DIAPH3: variants seen among roughly 807,000 people sequenced by gnomAD.
DIAPH3 encodes protein diaphanous homolog 3.
A neutral mutation model predicts 144.3 loss-of-function variants in DIAPH3; 117 were observed. The observed-to-expected ratio is 0.81, with a 90% CI of 0.70 to 0.95. The LOEUF (loss-of-function observed/expected upper bound fraction) is 0.95, where lower values mean the gene tolerates loss of function less well. Ranked by LOEUF, DIAPH3 falls within the 40% of genes least tolerant of loss-of-function variation. The probability of loss-of-function intolerance (pLI) is 0.00; values close to 1 mark genes in which losing one functional copy is unlikely to be tolerated. For missense variants in DIAPH3, 1,421 were observed against 1,412.7 expected (o/e 1.01, Z -0.09); for synonymous variants, 519 against 488.9 (o/e 1.06, Z -0.81).
rs1477079956 is a variant in DIAPH3 at position 59,670,611 on chromosome 13, C to T, written c.3320-3765G>A. On this transcript the variant is annotated intron_variant, in intron 27 of 27. Transcript: ENST00000400324. Reference sequence around the variant, plus strand: ...TTTTTTTTTTTTTTTTTGAGACAGTCTTGCTCTGTCGCCCAGGCTGGAGTG... The same window carrying T: ...TTTTTTTTTTTTTTTTTGAGACAGTTTTGCTCTGTCGCCCAGGCTGGAGTG... Among the ~76,000 whole-genome samples the T allele has an allele frequency of 1.1e-4, 16 of 141,598 alleles. No individual in the cohort carries two copies. In the East Asian group the frequency reaches 3.2e-3, roughly 28 times the overall value. 92.9% of individuals were successfully genotyped at this position (141,598 alleles called of 152,430 possible).
intron 5 of DIAPH3, among the ~76,000 whole-genome samples, chr13:60,026,116 A>G (rs1047329562): frequency 6.6e-6 from 1 of 152,138 alleles, no homozygotes; most frequent in African/African-American, 2.4e-5. Flanking sequence ...TCCTCCACCT[A>G]GTCAGCTAAT....
chr13:60,035,616 G>A (rs117588671), intron 5 of DIAPH3, among the ~76,000 whole-genome samples: 4 of 151,880 alleles, frequency 2.6e-5, no homozygotes, highest in Non-Finnish European at 4.4e-5. Context: ...AAAATTAGAA[G>A]GTATTTTCAA....
intron 17 of DIAPH3, among the ~76,000 whole-genome samples, chr13:59,954,962 T>C (rs1394319133): frequency 6.6e-6 from 1 of 151,814 alleles, no homozygotes; most frequent in Non-Finnish European, 1.5e-5. Flanking sequence ...CAACATGAGA[T>C]TTGGGTGGGG....
chr13:60,100,957 T>C (rs977012724), intron 3 of DIAPH3, among the ~76,000 whole-genome samples: 4 of 152,042 alleles, frequency 2.6e-5, no homozygotes, highest in Admixed American at 1.3e-4. Flanking sequence ...GTAACAGAAT[T>C]CCATTCAAAA....
intron 24 of DIAPH3, among the ~76,000 whole-genome samples, chr13:59,811,911 C>T (rs1174402433): frequency 1.3e-5 from 2 of 151,874 alleles, no homozygotes; most frequent in African/African-American, 4.8e-5. Flanking sequence ...TCTCATGTGG[C>T]ATTAAGGGGA....
intron 27 of DIAPH3, among the ~76,000 whole-genome samples, chr13:59,669,724 TG>T (rs1421833287): frequency 5.3e-5 from 8 of 152,194 alleles, no homozygotes; most frequent in Admixed American, 2.0e-4. Flanking sequence ...ATTTATGAGG[TG>T]GGGGGAATCT....
At chr13:59,825,073 C>T (rs927979251) in intron 24 of DIAPH3, among the ~76,000 whole-genome samples, 2 of 151,964 alleles carry the variant, frequency 1.3e-5, no homozygotes, top group East Asian at 1.9e-4. Context: ...TTTTAGGGTA[C>T]ATGTGCACAA....
chr13:59,885,993 T>C (rs1407489248), intron 20 of DIAPH3, among the ~76,000 whole-genome samples: 1 of 152,126 alleles, frequency 6.6e-6, no homozygotes, highest in Non-Finnish European at 1.5e-5. Context: ...AAGAAACTAA[T>C]ACAGGCTATT....
chr13:60,147,966 C>G (rs1951610782), intron 1 of DIAPH3, among the ~76,000 whole-genome samples: 1 of 151,338 alleles, frequency 6.6e-6, no homozygotes, highest in Admixed American at 6.6e-5. Context: ...TTGCAATAAC[C>G]CAGCAGAGAG....
chr13:59,977,216 C>T (rs1685590668), intron 14 of DIAPH3, among the ~76,000 whole-genome samples: 1 of 151,684 alleles, frequency 6.6e-6, no homozygotes, highest in South Asian at 2.1e-4. Flanking sequence ...ATTAAAAATA[C>T]CAGCAATAAA....
chr13:60,129,197 C>T (rs2059072831), intron 2 of DIAPH3, among the ~76,000 whole-genome samples: 1 of 152,204 alleles, frequency 6.6e-6, no homozygotes, highest in Non-Finnish European at 1.5e-5. Flanking sequence ...TGTCTTCCAA[C>T]TTACCTTTTC....
Position 59,691,632 on chromosome 13 carries a change from G to A in DIAPH3, c.3320-24786C>T, listed in dbSNP as rs188052596. On this transcript the variant is annotated intron_variant, in intron 27 of 27. Coordinates refer to ENST00000400324, the MANE Select transcript of DIAPH3 (RefSeq NM_001042517.2). ...AACCTGAAATTTCAGTCTGTATATA[G>A]ATCAATTTTAGTTAAAGCATGTAGA... Among the ~76,000 whole-genome samples the A allele has an allele frequency of 2.0e-5, 3 of 152,184 alleles. No homozygotes were observed. The East Asian group carries it at 5.8e-4, about 29-fold the overall frequency.
chr13:59,918,668 T>C (rs2047359034), intron 18 of DIAPH3, among the ~76,000 whole-genome samples: 1 of 152,124 alleles, frequency 6.6e-6, no homozygotes, highest in African/African-American at 2.4e-5. Flanking sequence ...CAGCAACCCA[T>C]ACCAGATGGT....
intron 27 of DIAPH3, among the ~76,000 whole-genome samples, chr13:59,763,210 TTATA>T (rs1369515692): frequency 6.6e-6 from 1 of 152,044 alleles, no homozygotes; most frequent in East Asian, 1.9e-4. Context: ...ACATATATCT[TTATA>T]TATGTGTATA....
At chr13:59,776,974 T>C (rs1467348363) in intron 25 of DIAPH3, among the ~76,000 whole-genome samples, 2 of 152,050 alleles carry the variant, frequency 1.3e-5, no homozygotes, top group Non-Finnish European at 2.9e-5. Context: ...CCTATAACAC[T>C]ATAGTAGCAT....
At chr13:59,850,951 G>A (rs1350469386) in intron 22 of DIAPH3, among the ~76,000 whole-genome samples, 22 of 147,138 alleles carry the variant, frequency 1.5e-4, no homozygotes, top group African/African-American at 5.1e-4. Context: ...AGAGGTACAA[G>A]GAGGAACTGG....
At chr13:60,117,276 T>A (rs902652505) in intron 2 of DIAPH3, among the ~76,000 whole-genome samples, 1 of 151,978 alleles carries the variant, frequency 6.6e-6, no homozygotes, top group African/African-American at 2.4e-5. Context: ...ATAGGAAAAA[T>A]TAGCATTCCC....
intron 12 of DIAPH3, among the ~76,000 whole-genome samples, chr13:59,987,486 A>T: frequency 7.3e-6 from 1 of 137,082 alleles, no homozygotes; most frequent in Admixed American, 8.2e-5. Context: ...AAAAAAAAAA[A>T]AAAGAAAAAA....
intron 12 of DIAPH3, among the ~76,000 whole-genome samples, chr13:59,984,205 GTCA>G (rs991432392): frequency 6.6e-6 from 1 of 151,578 alleles, no homozygotes; most frequent in Non-Finnish European, 1.5e-5. Context: ...GTGCTCAGAG[GTCA>G]TCAACTTTCC....
Sources: allele counts gnomAD v4.1 joint callset (sites outside exome capture counted in the v4.1 genomes callset), GRCh38; gene constraint gnomAD v4.1.1; transcripts MANE v1.5; gene names NCBI Gene and HGNC (gene_info 2026-07-23, HGNC 2026-07-21).